TSC22D1: variants seen among roughly 807,000 people sequenced by gnomAD.
The protein encoded by TSC22D1 is TSC22 domain family member 1.
TSC22D1 carries 9 observed loss-of-function variants against 74.2 expected under a neutral mutation model. The ratio of observed to expected loss-of-function variants is 0.12; its 90% CI spans 0.07 to 0.21. The LOEUF is 0.21. Ranked by LOEUF, TSC22D1 falls within the 10% of genes least tolerant of loss-of-function variation. The pLI is 1.00. For synonymous variants in TSC22D1, 586 were observed against 492.5 expected (o/e 1.19, Z -2.51); for missense variants, 1,427 against 1,304.7 (o/e 1.09, Z -1.44).
At chr13:44,472,944 T>C (rs985105669) in intron 1 of TSC22D1, among the ~76,000 whole-genome samples, 1 of 152,192 alleles carries the variant, frequency 6.6e-6, no homozygotes, top group African/African-American at 2.4e-5. Flanking sequence ...GAGATTTACT[T>C]GGACTTGCAG....
At chr13:44,499,942 C>T (rs1048666049) in intron 1 of TSC22D1, among the ~76,000 whole-genome samples, 28 of 151,814 alleles carry the variant, frequency 1.8e-4, no homozygotes, top group African/African-American at 6.5e-4. Context: ...CAAAAATTAG[C>T]CAGGCGTGGT....
intron 1 of TSC22D1, among the ~76,000 whole-genome samples, chr13:44,527,439 T>C (rs1880601187): frequency 6.6e-6 from 1 of 152,106 alleles, no homozygotes; most frequent in Non-Finnish European, 1.5e-5. Context: ...GCACTGCCCA[T>C]AAAACAGTTT....
rs147075622 is a variant in TSC22D1, at chr13:44,574,022, G to A, written c.2053C>T (p.Pro685Ser). Reference protein sequence around the residue: ...AGVGAGTTVIPVAQPQGIQLP... With the variant: ...AGVGAGTTVISVAQPQGIQLP... ...TGGATACCCTGTGGCTGAGCCACAGGAATCACTGTTGTTCCTGCTCCTACT... is the reference window on the plus strand; with the variant it reads ...TGGATACCCTGTGGCTGAGCCACAGAAATCACTGTTGTTCCTGCTCCTACT... Residue 685 changes from proline (P) to serine (S), a missense_variant, in exon 1 of 3, where the codon CCT (proline) becomes TCT (serine). Physicochemically the swap from Pro to Ser is moderately conservative, Grantham distance 74. Around this residue, in one of 3 missense-constraint regions of TSC22D1, gnomAD observed 1,343 missense variants for 1,191.5 expected, o/e 1.13. Coordinates refer to ENST00000458659, the MANE Select transcript of TSC22D1 (RefSeq NM_183422.4). The A allele has an allele frequency of 6.2e-7, 1 of 1,614,080 alleles. No individual in the cohort carries two copies. The highest frequency in any genetic ancestry group is 8.5e-7 in the Non-Finnish European group (1 of 1,180,042).
At chr13:44,485,012 G>T (rs1878360843) in intron 1 of TSC22D1, among the ~76,000 whole-genome samples, 2 of 152,122 alleles carry the variant, frequency 1.3e-5, no homozygotes, top group Admixed American at 6.5e-5. Flanking sequence ...AACTGAAAAA[G>T]AATAGATATG....
chr13:44,512,178 GTTTGTT>G (rs1879756888), intron 1 of TSC22D1, among the ~76,000 whole-genome samples: 2 of 151,728 alleles, frequency 1.3e-5, no homozygotes, highest in Admixed American at 1.3e-4. Context: ...TTCTTTTTTT[GTTTGTT>G]TTTGAGACGG....
intron 1 of TSC22D1, among the ~76,000 whole-genome samples, chr13:44,451,925 T>A (rs1350898102): frequency 6.6e-6 from 1 of 152,164 alleles, no homozygotes; most frequent in Admixed American, 6.5e-5. Context: ...CACCAAGGGC[T>A]CCCTGGCAAG....
intron 1 of TSC22D1, among the ~76,000 whole-genome samples, chr13:44,478,894 A>AGTGTGTGT (rs60733643): frequency 2.0e-5 from 3 of 150,064 alleles, no homozygotes; most frequent in Non-Finnish European, 4.5e-5. Flanking sequence ...ACACACAGGT[A>AGTGTGTGT]GTGTGTGTGT....
intron 1 of TSC22D1, among the ~76,000 whole-genome samples, chr13:44,442,085 A>G (rs1030846674): frequency 2.6e-5 from 4 of 152,250 alleles, no homozygotes; most frequent in African/African-American, 9.6e-5. Flanking sequence ...AATTCCCTTC[A>G]GTCTAGGACT....
At chr13:44,571,015 C>T (rs980103835) in intron 1 of TSC22D1, among the ~76,000 whole-genome samples, 2 of 152,026 alleles carry the variant, frequency 1.3e-5, no homozygotes, top group East Asian at 3.9e-4. Context: ...GGCTACATTC[C>T]GATTTCACAG....
chr13:44,464,819 C>T (rs1048133267), intron 1 of TSC22D1, among the ~76,000 whole-genome samples: 3 of 152,234 alleles, frequency 2.0e-5, no homozygotes, highest in Middle Eastern at 3.2e-3. Flanking sequence ...GTTACCCTGA[C>T]TCTTGTACCC....
At chr13:44,568,771 G>T (rs1471594856) in intron 1 of TSC22D1, among the ~76,000 whole-genome samples, 3 of 152,172 alleles carry the variant, frequency 2.0e-5, no homozygotes, top group Non-Finnish European at 4.4e-5. Context: ...ATGGGAAGAG[G>T]GTGGGGAAAG....
chr13:44,435,659 C>T (rs1874530971), intron 2 of TSC22D1: 1 of 270,004 alleles, frequency 3.7e-6, no homozygotes. Context: ...TTCTGGGGCC[C>T]TCCCCACCTC....
chr13:44,437,545 C>T (rs1266099226), intron 1 of TSC22D1, among the ~76,000 whole-genome samples: 1 of 152,138 alleles, frequency 6.6e-6, no homozygotes, highest in East Asian at 1.9e-4. Flanking sequence ...CCAGGATCTT[C>T]CCAAAAAGCC....
chr13:44,517,858 T>TATATATATATATCTATATA (rs1555269398), intron 1 of TSC22D1, among the ~76,000 whole-genome samples: 1 of 14,346 alleles, frequency 7.0e-5, no homozygotes, highest in Non-Finnish European at 1.7e-4. Flanking sequence ...TATATATATA[T>TATATATATATATCTATATA]TTTTTTTTTT....
chr13:44,450,068 G>A (rs1286425215), intron 1 of TSC22D1, among the ~76,000 whole-genome samples: 1 of 152,198 alleles, frequency 6.6e-6, no homozygotes, highest in Non-Finnish European at 1.5e-5. Context: ...ATGGTTAGCA[G>A]AAAGCAGCCT....
intron 1 of TSC22D1, among the ~76,000 whole-genome samples, chr13:44,532,179 T>G (rs1880875203): frequency 6.6e-6 from 1 of 152,176 alleles, no homozygotes; most frequent in South Asian, 2.1e-4. Flanking sequence ...TAACACTGAG[T>G]CAATTTCTTT....
intron 1 of TSC22D1, among the ~76,000 whole-genome samples, chr13:44,479,286 G>A (rs376130694): frequency 4.0e-5 from 6 of 150,774 alleles, no homozygotes; most frequent in African/African-American, 9.8e-5. Context: ...GGCCTAACTC[G>A]TGAACTTTCT....
chr13:44,509,346 G>A (rs1368965078), intron 1 of TSC22D1, among the ~76,000 whole-genome samples: 2 of 152,148 alleles, frequency 1.3e-5, no homozygotes, highest in African/African-American at 4.8e-5. Flanking sequence ...GTACATTTAA[G>A]AAGTGTATAA....
chr13:44,552,400 T>A (rs1307492761), intron 1 of TSC22D1, among the ~76,000 whole-genome samples: 1 of 152,196 alleles, frequency 6.6e-6, no homozygotes, highest in African/African-American at 2.4e-5. Context: ...CTGATGGCAA[T>A]TGAAGCACGT....
Sources: gnomAD v4.1 joint callset for allele counts (sites outside exome capture counted in the v4.1 genomes callset) on GRCh38, gnomAD v4.1.1 for gene constraint, gnomAD v4.1.1 regional missense constraint, MANE v1.5 for transcripts, NCBI Gene and HGNC (gene_info 2026-07-23, HGNC 2026-07-21) for gene names.